The following SEPTIN1 variants were observed in gnomAD, a reference collection of about 807,000 sequenced individuals.
SEPTIN1 encodes septin 1.
A neutral mutation model predicts 50.7 loss-of-function variants in SEPTIN1; 52 were observed. The ratio of observed to expected loss-of-function variants is 1.03; its 90% CI spans 0.82 to 1.29. The LOEUF is 1.29. Ranked by LOEUF, SEPTIN1 falls within the 50% of genes most tolerant of loss-of-function variation. The pLI, the probability that SEPTIN1 is intolerant of heterozygous loss-of-function variation, is 0.00. For synonymous variants in SEPTIN1, 204 were observed against 189.1 expected, an observed-to-expected ratio of 1.08 and a Z score of -0.65; for missense variants, 455 against 490.7, an observed-to-expected ratio of 0.93 and a Z score of 0.69.
rs1471985807 is a variant in SEPTIN1, at chr16:30,381,812, G to A, written c.268C>T (p.Leu90=). Residue 90 remains leucine, a synonymous_variant, in exon 4 of 11, where the codon CTG becomes TTG. Coordinates refer to ENST00000321367, the MANE Select transcript of SEPTIN1 (RefSeq NM_001365977.2). This position sits in a 1 kb window ranked among gnomAD's most constrained non-coding sequence, Gnocchi z 4.3. Reference sequence around the variant, plus strand: ...AAGCCAGGTGTGTCCACAAGGGTCAGCTTCACTTTCACACCCCCTTCCTCA... The same window carrying A: ...AAGCCAGGTGTGTCCACAAGGGTCAACTTCACTTTCACACCCCCTTCCTCA... ...EIEEGGVKVK[L]TLVDTPGFGD... 1.2e-6 allele frequency: 2 copies of A among 1,614,168 alleles called. No individual in the cohort carries two copies. The highest frequency in any genetic ancestry group is 1.1e-5 in the South Asian group (1 of 91,090).
upstream of SEPTIN1, chr16:30,382,655 G>A (rs2049867540): frequency 2.0e-6 from 3 of 1,537,410 alleles, no homozygotes; most frequent in African/African-American, 2.7e-5. This position sits in a 1 kb window ranked among gnomAD's most constrained non-coding sequence, Gnocchi z 4.8. Context: ...CCCAGTCCCA[G>A]AGAGGTGGGG....
upstream of SEPTIN1, chr16:30,382,726 T>C: frequency 1.3e-6 from 2 of 1,536,364 alleles, no homozygotes; most frequent in Non-Finnish European, 1.7e-6. The surrounding 1 kb of genome is among the most constrained non-coding windows in gnomAD (Gnocchi z 4.8). Context: ...CCATCACCTG[T>C]CTACGTACCT....
chr16:30,379,755 C>T (rs2049816958), intron 7 of SEPTIN1, 177 bp downstream of exon 7: 1 of 590,656 alleles, frequency 1.7e-6, no homozygotes, highest in African/African-American at 1.9e-5. Flanking sequence ...TACAGGCGCC[C>T]ACCATCACAC....
At position 30,378,692 on chromosome 16, in the gene SEPTIN1, G is replaced by C; in HGVS notation, c.950C>G (p.Ser317Cys). Residue 317 changes from serine to cysteine, a missense_variant, in exon 10 of 11, where the codon TCC becomes TGC. Transcript: ENST00000321367. ...ARDRASRSKL[S>C]RQSATEIPLP... ...CGGGATCTCTGTGGCGCTCTGGCGG[G>C]AAAGCTTACTGCGGGACAGTGGGAA... 6.2e-7 allele frequency: 1 copy of C among 1,607,978 alleles called. No homozygotes were observed.
Position 30,381,789 on chromosome 16 carries a change from G to A in SEPTIN1, c.291C>T (p.Gly97=). 1 of 1,614,076 alleles carries A rather than the reference G, an allele frequency of 6.2e-7. No homozygotes were observed. Among genetic ancestry groups the A allele is most frequent in the Non-Finnish European group, 8.5e-7 (1 of 1,180,002 alleles). The change falls in exon 4 of 11, where the codon GGC becomes GGT. Residue 97 remains glycine, a synonymous_variant. Transcript: ENST00000321367. This position sits in a 1 kb window ranked among gnomAD's most constrained non-coding sequence, Gnocchi z 4.3. ...KVKLTLVDTP[G]FGDSVDCSDC... ...CAGAGCAGTCCACTGAGTCCCCAAAGCCAGGTGTGTCCACAAGGGTCAGCT... is the reference window on the plus strand; with the variant it reads ...CAGAGCAGTCCACTGAGTCCCCAAAACCAGGTGTGTCCACAAGGGTCAGCT...
At chr16:30,380,921 GC>G in intron 6 of SEPTIN1, 1 of 611,008 alleles carries the variant, frequency 1.6e-6, no homozygotes, top group Non-Finnish European at 2.9e-6. Context: ...CAGGCATCTA[GC>G]CCGGGGGCTG....
rs751185887 is a variant in SEPTIN1 at position 30,378,456 on chromosome 16, C to A, written c.1097G>T (p.Gly366Val). The A allele has an allele frequency of 1.3e-6, 2 of 1,574,798 alleles. No homozygotes were observed. The highest frequency in any genetic ancestry group is 1.7e-6 in the Non-Finnish European group (2 of 1,165,996). ...GCCTCAGAGGGCGTCTGACTGCTCGCCCTGGGCCTGGCTCTGCTGCATTTG... is the reference window on the plus strand; with the variant it reads ...GCCTCAGAGGGCGTCTGACTGCTCGACCTGGGCCTGGCTCTGCTGCATTTG... ...QAQMQQSQAQGEQSDAL is the reference protein window; with the variant it reads ...QAQMQQSQAQVEQSDAL Residue 366 changes from glycine to valine, a missense_variant, in exon 11 of 11, where the codon GGC becomes GTC. By Grantham distance (109) the Gly-to-Val change is moderately radical. Transcript: ENST00000321367.
chr16:30,382,533 C>T lies in SEPTIN1; in HGVS notation c.10G>A (p.Gly4Arg), dbSNP rs374954816. Residue 4 changes from glycine (G) to arginine (R), a missense_variant, in exon 1 of 11, where the codon GGA (glycine) becomes AGA (arginine). Transcript: ENST00000321367. This position sits in a 1 kb window ranked among gnomAD's most constrained non-coding sequence, Gnocchi z 4.8. ...TGGGTGTAAGGACTCACCATGACTC[C>T]GCCAGCCATCACTGCACCTGCCGTC... The part of the protein sequence containing the change: MAG[G>R]VMDKEYVGFA... 2.3e-5 allele frequency: 36 copies of T among 1,590,688 alleles called. No homozygotes were observed. The highest frequency in any genetic ancestry group is 5.4e-5 in the African/African-American group (4 of 74,630).
intron 6 of SEPTIN1, chr16:30,380,843 G>A (rs1167119582): frequency 3.0e-5 from 14 of 470,700 alleles, no homozygotes; most frequent in Non-Finnish European, 5.0e-5. Flanking sequence ...CTGAAGACAC[G>A]GGGTGGGGGC....
chr16:30,382,805 G>A (rs533692785), upstream of SEPTIN1: 72 of 1,534,880 alleles, frequency 4.7e-5, no homozygotes, highest in South Asian at 8.4e-4. The surrounding 1 kb of genome is among the most constrained non-coding windows in gnomAD (Gnocchi z 4.8). Flanking sequence ...GGTGAGACAT[G>A]GGGTATGTGC....
intron 8 of SEPTIN1, 86 bp from the exon 9 acceptor site, chr16:30,379,269 T>G (rs1468677259): frequency 4.5e-6 from 7 of 1,546,660 alleles, no homozygotes; most frequent in Non-Finnish European, 2.7e-6. Flanking sequence ...AGGAAAGTCC[T>G]GCTGCCACTC....
chr16:30,382,812 G>A (rs551986755), upstream of SEPTIN1: 66 of 1,533,800 alleles, frequency 4.3e-5, no homozygotes, highest in East Asian at 2.9e-4. This position sits in a 1 kb window ranked among gnomAD's most constrained non-coding sequence, Gnocchi z 4.8. Flanking sequence ...CATGGGGTAT[G>A]TGCAGAGAGG....
In SEPTIN1 at chr16:30,382,488, G is replaced by A. The variant is rs376709927; in HGVS notation, c.18+37C>T. On this transcript the variant is annotated intron_variant, in intron 1 of 10. Coordinates refer to ENST00000321367, the MANE Select transcript of SEPTIN1 (RefSeq NM_001365977.2). The surrounding 1 kb of genome is among the most constrained non-coding windows in gnomAD (Gnocchi z 4.8). ...GGGGACCCCAGGCATGGGGGCTGGG[G>A]GCCGAGATGCCCAGGTTTCTGGGTG... 2 of 1,595,474 alleles carry A rather than the reference G, an allele frequency of 1.3e-6. No individual in the cohort carries two copies. The highest frequency in any genetic ancestry group is 1.3e-5 in the African/African-American group (1 of 74,722).
intron 9 of SEPTIN1, 142 bp downstream of exon 9, chr16:30,378,876 G>A: frequency 2.9e-6 from 2 of 681,864 alleles, no homozygotes; most frequent in South Asian, 3.8e-5. Context: ...GAGACGGAGA[G>A]AGGGAGGGAG....
chr16:30,379,313 C>T, intron 8 of SEPTIN1, 122 bp downstream of exon 8: 11 of 1,437,538 alleles, frequency 7.7e-6, no homozygotes, highest in Non-Finnish European at 1.1e-5. Flanking sequence ...GCCCAGCGAC[C>T]CCCCTTTCCT....
Position 30,378,346 on chromosome 16 carries a change from CGG to C in SEPTIN1, c.*86_*87del. On this transcript the variant is annotated 3_prime_UTR_variant, in exon 11 of 11. Transcript: ENST00000321367. ...GCGAGGGCGGCACCCGCGGAGGTCC[CGG>C]GGGGCGCTGGGCAGTGTGGGGCGCG... 7.7e-7 allele frequency: 1 copy of C among 1,294,760 alleles called. No homozygotes were observed. The highest frequency in any genetic ancestry group is 1.0e-6 in the Non-Finnish European group (1 of 961,400). 80.2% of individuals were successfully genotyped at this position (1,294,760 alleles called of 1,614,324 possible).
At chr16:30,380,786 GAA>G (rs1465218255) in intron 6 of SEPTIN1, 2 of 305,494 alleles carry the variant, frequency 6.5e-6, no homozygotes, top group Admixed American at 4.7e-5. Flanking sequence ...AAAAGAGAGA[GAA>G]AGAGAGGCCG....
chr16:30,382,597 G>A (rs778087030), upstream of SEPTIN1: 46 of 1,558,404 alleles, frequency 3.0e-5, 1 homozygote, highest in Middle Eastern at 3.3e-4. This position sits in a 1 kb window ranked among gnomAD's most constrained non-coding sequence, Gnocchi z 4.8. Flanking sequence ...AGCTGAGTGC[G>A]GCTAACAAGG....
Position 30,382,145 on chromosome 16 carries a change from G to A in SEPTIN1, c.144C>T (p.Asn48=). 6.3e-7 allele frequency: 1 copy of A among 1,597,734 alleles called. No homozygotes were observed. The highest frequency in any genetic ancestry group is 8.5e-7 in the Non-Finnish European group (1 of 1,172,050). The change falls in exon 3 of 11, where the codon AAC becomes AAT. Residue 48 remains asparagine, a synonymous_variant. Coordinates refer to ENST00000321367, the MANE Select transcript of SEPTIN1 (RefSeq NM_001365977.2). The surrounding 1 kb of genome is among the most constrained non-coding windows in gnomAD (Gnocchi z 4.8). The stretch of plus-strand genomic sequence containing the variant: ...CATAGAGGTTGGTGAGGAAGAGGCT[G>A]TTGATGAGGGTGGATTTCCCTAGGC... ...ESGLGKSTLI[N]SLFLTNLYED...
Sources: allele counts gnomAD v4.1 joint callset, GRCh38; gene constraint gnomAD v4.1.1; non-coding constraint Gnocchi (gnomAD v3.1); transcripts MANE v1.5; gene names NCBI Gene and HGNC (gene_info 2026-07-23, HGNC 2026-07-21).